PCNX1: variants seen among roughly 807,000 people sequenced by gnomAD.
PCNX1 encodes the protein pecanex 1.
Under a neutral mutation model 242.2 loss-of-function variants are expected in PCNX1, and 78 were observed. That is an observed-to-expected ratio of 0.32 (90% CI 0.27 to 0.39). PCNX1 has a LOEUF of 0.39. Ranked by LOEUF, PCNX1 falls within the 10% of genes least tolerant of loss-of-function variation. The pLI, the probability that PCNX1 is intolerant of heterozygous loss-of-function variation, is 1.00. For missense variants in PCNX1, 2,581 were observed against 2,856.5 expected (o/e 0.90, Z 2.20); for synonymous variants, 1,024 against 1,032.9 (o/e 0.99, Z 0.17).
In PCNX1 at chr14:71,076,321, G is replaced by A. The variant is rs1341132558; in HGVS notation, c.5239G>A (p.Asp1747Asn). 1.2e-6 allele frequency: 2 copies of A among 1,613,884 alleles called. No individual in the cohort carries two copies. Among genetic ancestry groups the A allele is most frequent in the Non-Finnish European group, 1.7e-6 (2 of 1,179,876 alleles). ...GGACCCGACCTTTAATCCAAACATTGATGAAGACTATGACCACCGACTGGC... is the reference window on the plus strand; with the variant it reads ...GGACCCGACCTTTAATCCAAACATTAATGAAGACTATGACCACCGACTGGC... ...DVDPTFNPNI[D>N]EDYDHRLAGI... The change falls in exon 28 of 36, where the codon GAT (aspartate) becomes AAT (asparagine). Residue 1747 changes from aspartate (D) to asparagine (N), a missense_variant. Asp to Asn is a conservative substitution (Grantham distance 23, BLOSUM62 1). This residue lies in a region of PCNX1 where 298 missense variants were observed against 480.1 expected (regional missense o/e 0.62). Transcript: ENST00000304743.
intron 26 of PCNX1, among the ~76,000 whole-genome samples, chr14:71,069,406 G>C (rs1412972889): frequency 2.0e-5 from 3 of 152,288 alleles, no homozygotes; most frequent in East Asian, 3.9e-4. Context: ...CCTCTCAAAA[G>C]ATGTCAGAAG....
chr14:71,055,652 C>T lies in PCNX1; in HGVS notation c.4636+90C>T, dbSNP rs548299845. 7.2e-5 allele frequency: 49 copies of T among 678,694 alleles called. 1 individual carries two copies. Among genetic ancestry groups the T allele is most frequent in the Non-Finnish European group, 1.2e-4 (48 of 399,266 alleles). 42.0% of individuals were successfully genotyped at this position (678,694 alleles called of 1,614,324 possible). ...ATTCACTCCTAACTTGTTGGGAATC[C>T]TCTATGAATCCCAAATATTCACTTT... is the stretch of plus-strand genomic sequence containing the variant. On this transcript the variant is annotated intron_variant, in intron 25 of 35. Transcript: ENST00000304743.
In PCNX1 at chr14:70,962,209, C is replaced by T. The variant is rs2140478031; in HGVS notation, c.363-17C>T. 4.8e-6 allele frequency: 7 copies of T among 1,459,954 alleles called. No homozygotes were observed. The East Asian group carries it at 6.8e-5, about 14-fold the overall frequency. 90.4% of individuals were successfully genotyped at this position (1,459,954 alleles called of 1,614,324 possible). On this transcript the variant is annotated splice_polypyrimidine_tract_variant and intron_variant, in intron 2 of 35. Transcript: ENST00000304743. ...GAATAATGACAGTTACTCTTTTTCT[C>T]ATTTTTTTCTCCACAGTGATCCTGG... is the stretch of plus-strand genomic sequence containing the variant.
intron 26 of PCNX1, among the ~76,000 whole-genome samples, chr14:71,059,122 G>A (rs2061258423): frequency 6.6e-6 from 1 of 152,108 alleles, no homozygotes. Context: ...CTACATATGT[G>A]AAATGAAAGG....
intron 8 of PCNX1, among the ~76,000 whole-genome samples, chr14:71,008,632 G>T (rs868783198): frequency 6.9e-6 from 1 of 144,078 alleles, no homozygotes; most frequent in Non-Finnish European, 1.5e-5. Flanking sequence ...CTCCAGCCTG[G>T]GTGACAGAGC....
chr14:70,932,091 C>T (rs2056822369), intron 1 of PCNX1, among the ~76,000 whole-genome samples: 2 of 152,230 alleles, frequency 1.3e-5, no homozygotes, highest in Non-Finnish European at 2.9e-5. Context: ...CGCGCCATTG[C>T]ACTCCAGCCT....
intron 1 of PCNX1, among the ~76,000 whole-genome samples, chr14:70,930,190 A>C (rs1038603816): frequency 6.6e-6 from 1 of 152,078 alleles, no homozygotes; most frequent in Non-Finnish European, 1.5e-5. Flanking sequence ...GCTGGAGTGC[A>C]GTGGCTGCTC....
At chr14:70,919,739 G>A (rs1399982670) in intron 1 of PCNX1, among the ~76,000 whole-genome samples, 1 of 67,434 alleles carries the variant, frequency 1.5e-5, no homozygotes, top group African/African-American at 6.8e-5. Flanking sequence ...CACCAAATAG[G>A]AGATGCTTTA....
chr14:70,916,658 A>G (rs114520750), intron 1 of PCNX1, among the ~76,000 whole-genome samples: 215 of 152,308 alleles, frequency 1.4e-3, no homozygotes, highest in African/African-American at 5.0e-3. Flanking sequence ...TATGCCAAGG[A>G]TTATCTGAAC....
Position 71,045,239 on chromosome 14 carries a change from ATC to A in PCNX1, c.3975_3976del (p.Pro1326SerfsTer8). 1 of 1,613,382 alleles carries A rather than the reference ATC, an allele frequency of 6.2e-7. No homozygotes were observed. Among genetic ancestry groups the A allele is most frequent in the Non-Finnish European group, 8.5e-7 (1 of 1,179,432 alleles). Reference sequence around the variant, plus strand: ...CAGCTACCATGGCACTGTTTCTCTCATCCTCTGCTAAAGACACTAGAGTATAA... The same window carrying A: ...CAGCTACCATGGCACTGTTTCTCTCACTCTGCTAAAGACACTAGAGTATAA... On this transcript the variant is annotated frameshift_variant, in exon 20 of 36. Coordinates refer to ENST00000304743, the MANE Select transcript of PCNX1 (RefSeq NM_014982.3). LOFTEE classifies it high-confidence loss of function.
chr14:71,015,781 A>G (rs755507165), intron 11 of PCNX1, among the ~76,000 whole-genome samples: 1 of 152,242 alleles, frequency 6.6e-6, no homozygotes, highest in Non-Finnish European at 1.5e-5. Flanking sequence ...CAAAGAATAG[A>G]TGAGACAAAT....
In PCNX1 at chr14:70,946,992, C is replaced by T. The variant is rs201771415; in HGVS notation, c.231C>T (p.Val77=). 1.2e-6 allele frequency: 2 copies of T among 1,613,656 alleles called. No homozygotes were observed. The highest frequency in any genetic ancestry group is 1.3e-5 in the African/African-American group (1 of 75,008). Residue 77 remains valine, a synonymous_variant, in exon 2 of 36, where the codon GTC becomes GTT. Coordinates refer to ENST00000304743, the MANE Select transcript of PCNX1 (RefSeq NM_014982.3). ...CTGTTTTCATTGTTCTGAAGATGGT[C>T]AACTATCGACTACACAGAGCACTTG... ...IAAVFIVLKM[V]NYRLHRALDA... is the part of the protein sequence containing the mutation.
chr14:70,962,401 CTT>C, intron 3 of PCNX1, 70 bp downstream of exon 3: 1 of 788,526 alleles, frequency 1.3e-6, no homozygotes, highest in Non-Finnish European at 2.2e-6. Context: ...ATTCTCGTGT[CTT>C]TAAGTCGGCT....
In PCNX1 at chr14:70,907,707, G is replaced by T; in HGVS notation, c.-144G>T. ...CTCCTCCTCCTGCAGCAGCACCAGCGACCGCCGAAGCGCCGGCTCGCTCAC... is the reference window on the plus strand; with the variant it reads ...CTCCTCCTCCTGCAGCAGCACCAGCTACCGCCGAAGCGCCGGCTCGCTCAC... On this transcript the variant is annotated 5_prime_UTR_variant, in exon 1 of 36. Transcript: ENST00000304743. 1 of 1,014,394 alleles carries T rather than the reference G, an allele frequency of 9.9e-7. No homozygotes were observed. Among genetic ancestry groups the T allele is most frequent in the South Asian group, 4.8e-5 (1 of 20,952 alleles). 62.8% of individuals were successfully genotyped at this position (1,014,394 alleles called of 1,614,324 possible).
chr14:71,031,758 G>A (rs2060390961), intron 16 of PCNX1: 1 of 1,299,512 alleles, frequency 7.7e-7, no homozygotes, highest in Non-Finnish European at 1.1e-6. Flanking sequence ...CGACATTTTT[G>A]GGAAACTTCT....
intron 7 of PCNX1, among the ~76,000 whole-genome samples, chr14:70,989,327 A>G (rs2059090381): frequency 6.6e-6 from 1 of 151,684 alleles, no homozygotes; most frequent in African/African-American, 2.4e-5. Context: ...ATTGTGGTAA[A>G]CAAAAACATC....
At chr14:70,989,026 A>C (rs1341860374) in intron 7 of PCNX1, among the ~76,000 whole-genome samples, 1 of 151,906 alleles carries the variant, frequency 6.6e-6, no homozygotes. Context: ...TAATCATGCA[A>C]TATTTTCCCC....
intron 19 of PCNX1, among the ~76,000 whole-genome samples, chr14:71,043,547 T>G (rs1029465590): frequency 1.1e-4 from 16 of 151,358 alleles, no homozygotes; most frequent in Non-Finnish European, 1.8e-4. Context: ...TTGGTTGGTT[T>G]GTTTTTTTAA....
chr14:71,100,812 TCTGA>T (rs1363816618), intron 30 of PCNX1, among the ~76,000 whole-genome samples: 3 of 152,200 alleles, frequency 2.0e-5, no homozygotes, highest in Non-Finnish European at 4.4e-5. Context: ...CTTTATTTTG[TCTGA>T]CTGAGTTATT....
Sources: allele counts gnomAD v4.1 joint callset (sites outside exome capture counted in the v4.1 genomes callset), GRCh38; gene constraint gnomAD v4.1.1; regional missense constraint gnomAD v4.1.1; transcripts MANE v1.5; gene names NCBI Gene and HGNC (gene_info 2026-07-23, HGNC 2026-07-21).